PHF21B: variants seen among roughly 807,000 people sequenced by gnomAD.
The protein encoded by PHF21B is PHD finger protein 4.
A neutral mutation model predicts 62.2 loss-of-function variants in PHF21B; 22 were observed. The observed-to-expected ratio is 0.35, with a 90% confidence interval of 0.25 to 0.51. The LOEUF (loss-of-function observed/expected upper bound fraction) is 0.51, where lower values mean the gene tolerates loss of function less well. Among genes scored for constraint, PHF21B ranks in the 20% least tolerant of loss-of-function variants. The pLI, the probability that PHF21B is intolerant of heterozygous loss-of-function variation, is 0.97. For synonymous variants in PHF21B, 341 were observed against 314.7 expected (o/e 1.08, Z -0.88); for missense variants, 701 against 707.9 (o/e 0.99, Z 0.11).
chr22:44,981,080 C>T (rs1005146235), intron 2 of PHF21B, among the ~76,000 whole-genome samples: 24 of 152,100 alleles, frequency 1.6e-4, no homozygotes, highest in Non-Finnish European at 3.1e-4. Context: ...TAGGGTAGGG[C>T]GTGGGGGTTG....
At chr22:44,898,218 T>A (rs978324673) in intron 5 of PHF21B, among the ~76,000 whole-genome samples, 4 of 152,220 alleles carry the variant, frequency 2.6e-5, no homozygotes, top group Non-Finnish European at 5.9e-5. Context: ...CCTGGACAGC[T>A]TGAGGAGGAC....
At position 44,885,844 on chromosome 22, in the gene PHF21B, C is replaced by A. The variant is rs775147125; in HGVS notation, c.1273+19G>T. On this transcript the variant is annotated intron_variant, in intron 11 of 12. Transcript: ENST00000313237. ...GAGGGGGAGCAGGTACCCTTTTCCA[C>A]TCCCCAGGGATGCCTCACCTGTCTT... is the stretch of plus-strand genomic sequence containing the variant. 2 of 1,612,576 alleles carry A rather than the reference C, an allele frequency of 1.2e-6. No individual in the cohort carries two copies. Among genetic ancestry groups the A allele is most frequent in the Non-Finnish European group, 1.7e-6 (2 of 1,179,092 alleles).
chr22:45,000,603 T>C (rs975193175), intron 2 of PHF21B: 2 of 152,184 alleles, frequency 1.3e-5, no homozygotes, highest in Admixed American at 6.5e-5. Context: ...TCAAAGTTAA[T>C]TGAAATCAAT....
intron 2 of PHF21B, among the ~76,000 whole-genome samples, chr22:44,949,583 C>T (rs759337565): frequency 1.1e-4 from 16 of 152,142 alleles, no homozygotes; most frequent in Non-Finnish European, 2.4e-4. Flanking sequence ...GCAAGTTTTG[C>T]GACTCATCCT....
At chr22:44,905,933 C>G (rs1443073455) in intron 5 of PHF21B, among the ~76,000 whole-genome samples, 3 of 152,250 alleles carry the variant, frequency 2.0e-5, no homozygotes, top group Non-Finnish European at 2.9e-5. Context: ...CTCACGCTTA[C>G]CCTTCCCTTT....
chr22:44,908,790 G>A (rs940331534), intron 5 of PHF21B, among the ~76,000 whole-genome samples: 3 of 152,194 alleles, frequency 2.0e-5, no homozygotes, highest in Non-Finnish European at 4.4e-5. Flanking sequence ...TTCTTGGTAT[G>A]CATGTATGTG....
intron 2 of PHF21B, among the ~76,000 whole-genome samples, chr22:44,942,983 C>T (rs1457550787): frequency 8.4e-6 from 1 of 119,082 alleles, no homozygotes. Flanking sequence ...GGCGGACCCC[C>T]AGCAGGGAGG....
intron 2 of PHF21B, among the ~76,000 whole-genome samples, chr22:44,981,114 TAGA>T (rs971612936): frequency 3.3e-5 from 5 of 152,054 alleles, no homozygotes; most frequent in African/African-American, 9.7e-5. Flanking sequence ...ACCAAAGGCA[TAGA>T]AGAAGTCTGA....
chr22:44,885,537 A>C lies in PHF21B; in HGVS notation c.1274-8T>G. Reference sequence around the variant, plus strand: ...GCTTCTCCTCTTCTTTGACTAGAAAAGAGAAGGCCAGGTCCCTGGAGAGGG... The same window carrying C: ...GCTTCTCCTCTTCTTTGACTAGAAACGAGAAGGCCAGGTCCCTGGAGAGGG... On this transcript the variant is annotated splice_polypyrimidine_tract_variant and splice_region_variant and intron_variant, in intron 11 of 12. Transcript: ENST00000313237. 1 of 1,580,206 alleles carries C rather than the reference A, an allele frequency of 6.3e-7. No homozygotes were observed. The highest frequency in any genetic ancestry group is 8.6e-7 in the Non-Finnish European group (1 of 1,162,772).
At chr22:44,961,418 C>G (rs767766926) in intron 2 of PHF21B, among the ~76,000 whole-genome samples, 132 of 152,168 alleles carry the variant, frequency 8.7e-4, no homozygotes, top group Non-Finnish European at 1.3e-4. Flanking sequence ...CCCTCCTTCC[C>G]TCTCTGCTCT....
At chr22:44,924,656 T>C (rs956600683) in intron 2 of PHF21B, among the ~76,000 whole-genome samples, 10 of 152,238 alleles carry the variant, frequency 6.6e-5, no homozygotes, top group Non-Finnish European at 1.2e-4. Flanking sequence ...GAACTGAATC[T>C]GCTGGCACCT....
chr22:44,954,912 G>A (rs920946340), intron 2 of PHF21B, among the ~76,000 whole-genome samples: 12 of 152,228 alleles, frequency 7.9e-5, no homozygotes, highest in African/African-American at 2.9e-4. Context: ...CCTCCAGGGA[G>A]AAGGAATGGG....
chr22:44,929,421 A>T (rs925194667), intron 2 of PHF21B, among the ~76,000 whole-genome samples: 3 of 152,244 alleles, frequency 2.0e-5, no homozygotes, highest in African/African-American at 7.2e-5. Flanking sequence ...AGCAAGGGCC[A>T]CGGCGAGTGC....
intron 5 of PHF21B, among the ~76,000 whole-genome samples, chr22:44,897,180 T>C (rs2147266401): frequency 6.6e-6 from 1 of 152,212 alleles, no homozygotes; most frequent in Non-Finnish European, 1.5e-5. Context: ...CCATTACCTG[T>C]TTTTGACTTG....
At chr22:44,895,908 G>A (rs2071048083) in intron 6 of PHF21B, 124 bp downstream of exon 6, 7 of 1,040,858 alleles carry the variant, frequency 6.7e-6, no homozygotes, top group Non-Finnish European at 1.0e-5. Flanking sequence ...GCAGTGTGAG[G>A]CCACGCTCCA....
At chr22:44,919,560 C>T (rs569766180) in intron 3 of PHF21B, among the ~76,000 whole-genome samples, 5 of 152,182 alleles carry the variant, frequency 3.3e-5, no homozygotes, top group Non-Finnish European at 7.3e-5. Flanking sequence ...GAGCTCAGGG[C>T]GGCCACCTCT....
At chr22:44,913,756 A>G in intron 5 of PHF21B, 66 bp downstream of exon 5, 1 of 1,542,994 alleles carries the variant, frequency 6.5e-7, no homozygotes, top group Non-Finnish European at 8.7e-7. Context: ...CCCGCTATAC[A>G]CAGCGGCCTC....
At position 45,008,646 on chromosome 22, in the gene PHF21B, A is replaced by G. The variant is rs577456333; in HGVS notation, c.55-36T>C. The G allele has an allele frequency of 1.3e-5, 20 of 1,514,794 alleles. 1 individual carries two copies. In the South Asian group the frequency reaches 2.4e-4, roughly 18 times the overall value. 93.8% of individuals were successfully genotyped at this position (1,514,794 alleles called of 1,614,324 possible). On this transcript the variant is annotated intron_variant, in intron 1 of 12. Transcript: ENST00000313237. The stretch of plus-strand genomic sequence containing the variant: ...ACGGAGGAGCGGGCTCAGGCAGGCC[A>G]CCCGGGGTCAGGTGCACCCCAGCAC...
In PHF21B at chr22:44,928,157, G is replaced by C. The variant is rs1043249945; in HGVS notation, c.121-7667C>G. On this transcript the variant is annotated intron_variant, in intron 2 of 12. Coordinates refer to ENST00000313237, the MANE Select transcript of PHF21B (RefSeq NM_138415.5). ...GCTCTGCCAGGGCAGAGGGGTTCCA[G>C]CGCTGGCTTTGACATCAGCTGTGCG... Among the ~76,000 whole-genome samples the C allele has an allele frequency of 3.6e-4, 55 of 152,172 alleles. 1 individual carries two copies. Among genetic ancestry groups the C allele is most frequent in the Non-Finnish European group, 6.6e-4 (45 of 68,036 alleles).
Sources: allele counts gnomAD v4.1 joint callset (sites outside exome capture counted in the v4.1 genomes callset), GRCh38; gene constraint gnomAD v4.1.1; transcripts MANE v1.5; gene names NCBI Gene and HGNC (gene_info 2026-07-23, HGNC 2026-07-21).